The following KIAA0930 variants were observed in gnomAD, a reference collection of about 807,000 sequenced individuals.
The protein encoded by KIAA0930 is KIAA0930.
Under a neutral mutation model 43.9 loss-of-function variants are expected in KIAA0930, and 24 were observed. The ratio of observed to expected loss-of-function variants is 0.55; its 90% CI spans 0.40 to 0.77. The LOEUF is 0.77. Ranked by LOEUF, KIAA0930 falls within the 30% of genes least tolerant of loss-of-function variation. KIAA0930 has a pLI of 0.00. For synonymous variants in KIAA0930, 259 were observed against 216.4 expected (o/e 1.20, Z -1.73); for missense variants, 461 against 574.2 (o/e 0.80, Z 2.02).
intron 1 of KIAA0930, among the ~76,000 whole-genome samples, chr22:45,225,877 T>C (rs1223657732): frequency 6.6e-6 from 1 of 152,254 alleles, no homozygotes; most frequent in Non-Finnish European, 1.5e-5. Context: ...GATGAGGAAC[T>C]TGGGGCTCAA....
intron 2 of KIAA0930, 83 bp downstream of exon 2, chr22:45,211,873 G>A (rs2083696496): frequency 7.9e-6 from 11 of 1,395,536 alleles, no homozygotes; most frequent in Non-Finnish European, 1.1e-5. Context: ...AGCACTGTAG[G>A]AAAGCCCACA....
intron 1 of KIAA0930, chr22:45,212,446 G>A (rs2083703478): frequency 2.7e-6 from 4 of 1,478,108 alleles, no homozygotes; most frequent in Non-Finnish European, 3.6e-6. Flanking sequence ...CTGGCTGGCT[G>A]GTGTCTGGGC....
chr22:45,199,301 AC>A (rs2083564950), intron 8 of KIAA0930, among the ~76,000 whole-genome samples: 2 of 152,182 alleles, frequency 1.3e-5, no homozygotes, highest in African/African-American at 4.8e-5. Flanking sequence ...CCTGGGCAGG[AC>A]TAAGGGGCAT....
intron 1 of KIAA0930, among the ~76,000 whole-genome samples, chr22:45,214,577 T>C (rs563273270): frequency 6.6e-6 from 1 of 152,322 alleles, no homozygotes; most frequent in East Asian, 1.9e-4. Context: ...AGATCTTGAT[T>C]GTGACGCTGG....
chr22:45,211,819 A>C, intron 2 of KIAA0930, 137 bp downstream of exon 2: 1 of 872,670 alleles, frequency 1.1e-6, no homozygotes, highest in Non-Finnish European at 1.8e-6. Context: ...CCTGGAATAC[A>C]GTAGGTGCTC....
At chr22:45,212,895 G>C (rs2083707201) in intron 1 of KIAA0930, among the ~76,000 whole-genome samples, 1 of 152,184 alleles carries the variant, frequency 6.6e-6, no homozygotes, top group South Asian at 2.1e-4. Flanking sequence ...CGGGCACACA[G>C]CAGGATCAAC....
chr22:45,200,188 T>C lies in KIAA0930; in HGVS notation c.853-153A>G, dbSNP rs1263526022. The C allele has an allele frequency of 1.2e-5, 8 of 686,916 alleles. No homozygotes were observed. In the African/African-American group the frequency reaches 1.5e-4, roughly 13 times the overall value. The allele number at this position is 686,916 out of a possible 1,614,324, so 42.6% of individuals were successfully genotyped here. A position where few individuals can be genotyped will look rare whatever the true frequency, so the allele number is the denominator to read the frequency against. ...GGACCCAGGCCCAGCCGGCCCGTGC[T>C]AGGTGGGGCCTAGAGACTGGAAGAT... On this transcript the variant is annotated intron_variant, in intron 7 of 9. Transcript: ENST00000336156.
intron 6 of KIAA0930, 149 bp downstream of exon 6, chr22:45,203,696 T>C: frequency 1.2e-6 from 1 of 820,568 alleles, no homozygotes; most frequent in Non-Finnish European, 1.9e-6. Context: ...AGGGAGCGCC[T>C]AGAAGGAGCC....
chr22:45,204,809 C>G (rs1202247789), intron 5 of KIAA0930, among the ~76,000 whole-genome samples: 1 of 152,106 alleles, frequency 6.6e-6, no homozygotes, highest in African/African-American at 2.4e-5. Flanking sequence ...TCCGGAAACC[C>G]CATCCCTCTT....
chr22:45,231,170 T>C (rs888528290), intron 1 of KIAA0930, among the ~76,000 whole-genome samples: 1 of 149,826 alleles, frequency 6.7e-6, no homozygotes, highest in African/African-American at 2.5e-5. Context: ...GGAGAATCGC[T>C]TGAACCCAGG....
chr22:45,201,629 T>C (rs2083589878), intron 7 of KIAA0930, among the ~76,000 whole-genome samples: 3 of 152,124 alleles, frequency 2.0e-5, no homozygotes, highest in Non-Finnish European at 4.4e-5. Context: ...CTCAGAAATA[T>C]AAACCACCTC....
At chr22:45,206,858 C>T (rs2083642720) in intron 2 of KIAA0930, among the ~76,000 whole-genome samples, 1 of 152,094 alleles carries the variant, frequency 6.6e-6, no homozygotes, top group Non-Finnish European at 1.5e-5. Context: ...GCCACCACAC[C>T]TGTCTACTTT....
intron 2 of KIAA0930, among the ~76,000 whole-genome samples, chr22:45,208,600 G>A (rs992582216): frequency 1.3e-5 from 2 of 152,180 alleles, no homozygotes; most frequent in African/African-American, 4.8e-5. Flanking sequence ...TGCCCAGGGG[G>A]AGGTTGAGCC....
chr22:45,238,390 AT>A (rs765422405), intron 1 of KIAA0930, among the ~76,000 whole-genome samples: 79 of 152,350 alleles, frequency 5.2e-4, no homozygotes, highest in Non-Finnish European at 9.4e-4. Flanking sequence ...AGACTGGGTA[AT>A]GCCTTTGAAG....
At chr22:45,212,216 C>T (rs373048465) in intron 1 of KIAA0930, 109 bp from the exon 2 acceptor site, 11 of 1,612,790 alleles carry the variant, frequency 6.8e-6, no homozygotes, top group African/African-American at 6.7e-5. Flanking sequence ...CAGAAATTTG[C>T]GAGGGCTCTG....
At chr22:45,214,916 G>T (rs967119027) in intron 1 of KIAA0930, among the ~76,000 whole-genome samples, 3 of 148,772 alleles carry the variant, frequency 2.0e-5, no homozygotes, top group Admixed American at 2.0e-4. Flanking sequence ...CTCTAAAAGG[G>T]TATTAAAAAA....
intron 1 of KIAA0930, among the ~76,000 whole-genome samples, chr22:45,216,678 GCTAGT>G (rs1428978011): frequency 6.6e-6 from 1 of 152,082 alleles, no homozygotes; most frequent in Admixed American, 6.5e-5. Context: ...CCCGGGAGCT[GCTAGT>G]CCAGCACAGA....
chr22:45,212,548 G>A (rs904701073), intron 1 of KIAA0930: 21 of 1,401,236 alleles, frequency 1.5e-5, no homozygotes, highest in African/African-American at 5.8e-5. Context: ...CCCTGGCTGC[G>A]GCAGTCCCAG....
At position 45,240,832 on chromosome 22, in the gene KIAA0930, G is replaced by GCGTCGC. The variant is rs1348537753; in HGVS notation, c.-135_-130dup. 3.4e-5 allele frequency: 5 copies of GCGTCGC among 146,806 alleles called. No homozygotes were observed. The highest frequency in any genetic ancestry group is 7.4e-5 in the African/African-American group (3 of 40,558). 9.1% of individuals were successfully genotyped at this position (146,806 alleles called of 1,614,324 possible). A position where few individuals can be genotyped will look rare whatever the true frequency, so the allele number is the denominator to read the frequency against. ...AGGAAGCCACAGTCCGCCTCTGTGC[G>GCGTCGC]CGTCGCCGTCGCCGCCGCCGCCGCC... On this transcript the variant is annotated 5_prime_UTR_variant, in exon 1 of 10. Coordinates refer to ENST00000336156, the MANE Select transcript of KIAA0930 (RefSeq NM_001009880.2).
Sources: allele counts gnomAD v4.1 joint callset (sites outside exome capture counted in the v4.1 genomes callset), GRCh38; gene constraint gnomAD v4.1.1; transcripts MANE v1.5; gene names NCBI Gene and HGNC (gene_info 2026-07-23, HGNC 2026-07-21).